The following QTGAL variants were observed in gnomAD, a reference collection of about 807,000 sequenced individuals.
QTGAL encodes BGnT-like protein 1.
At chr17:82,974,386 C>T in the QTGAL span, among the ~76,000 whole-genome samples, 1 of 152,204 alleles carries the variant, frequency 6.6e-6, no homozygotes, top group Non-Finnish European at 1.5e-5. Context: ...AGGCCCAGGG[C>T]CCAGAGGTGG....
chr17:83,048,717 C>T, the QTGAL span: 2 of 1,614,164 alleles, frequency 1.2e-6, no homozygotes, highest in Non-Finnish European at 1.7e-6. Flanking sequence ...CTTCAAAGTC[C>T]TGTTGCAAAA....
At chr17:83,025,864 G>A in the QTGAL span, among the ~76,000 whole-genome samples, 19 of 152,324 alleles carry the variant, frequency 1.2e-4, no homozygotes, top group South Asian at 6.2e-4. Context: ...CTGTCGTGAC[G>A]GGAGGCCGTG....
the QTGAL span, among the ~76,000 whole-genome samples, chr17:83,037,254 C>A: frequency 6.6e-6 from 1 of 152,348 alleles, no homozygotes; most frequent in East Asian, 1.9e-4. The surrounding 1 kb of genome is among the most constrained non-coding windows in gnomAD (Gnocchi z 5.2). Context: ...GCTCCCACCC[C>A]ACGGGGGCTG....
At chr17:83,011,337 A>G in the QTGAL span, 1 of 152,244 alleles carries the variant, frequency 6.6e-6, no homozygotes, top group African/African-American at 2.4e-5. Flanking sequence ...ATTTATCTAC[A>G]TGCAAATGCA....
At chr17:83,007,213 A>G in the QTGAL span, 1 of 984,760 alleles carries the variant, frequency 1.0e-6, no homozygotes, top group South Asian at 4.7e-5. Flanking sequence ...TGAACCTTTC[A>G]TGTCTCTCTC....
At chr17:82,984,790 G>A in the QTGAL span, among the ~76,000 whole-genome samples, 3 of 152,260 alleles carry the variant, frequency 2.0e-5, no homozygotes, top group Admixed American at 1.3e-4. Flanking sequence ...CCCAGGAGAC[G>A]TGCAGGGCAG....
chr17:83,001,141 A>G, the QTGAL span, among the ~76,000 whole-genome samples: 1 of 152,254 alleles, frequency 6.6e-6, no homozygotes, highest in Non-Finnish European at 1.5e-5. Context: ...AAAGGTATAC[A>G]TCAACAAGAC....
the QTGAL span, among the ~76,000 whole-genome samples, chr17:83,020,317 G>A: frequency 1.3e-5 from 2 of 152,106 alleles, no homozygotes; most frequent in Non-Finnish European, 2.9e-5. Context: ...TTCTGAGACC[G>A]ATAAGGATGC....
chr17:82,947,111 A>G, the QTGAL span: 1 of 724,818 alleles, frequency 1.4e-6, no homozygotes, highest in Non-Finnish European at 2.3e-6. Context: ...TCCTCTGCTA[A>G]TAGCGGAGAG....
At chr17:82,955,914 C>G in the QTGAL span, among the ~76,000 whole-genome samples, 2 of 151,646 alleles carry the variant, frequency 1.3e-5, no homozygotes, top group Non-Finnish European at 2.9e-5. Flanking sequence ...AACCAAACAC[C>G]GCATGTTCTC....
the QTGAL span, among the ~76,000 whole-genome samples, chr17:82,990,686 A>G: frequency 6.6e-6 from 1 of 152,218 alleles, no homozygotes; most frequent in African/African-American, 2.4e-5. Context: ...GAATTACAGC[A>G]CTGGAGATTC....
chr17:82,953,664 T>C, the QTGAL span, among the ~76,000 whole-genome samples: 2 of 152,132 alleles, frequency 1.3e-5, no homozygotes, highest in Non-Finnish European at 2.9e-5. Context: ...GAGGCCAGCA[T>C]CATCCTGATT....
the QTGAL span, among the ~76,000 whole-genome samples, chr17:83,039,304 C>G: frequency 0.017 from 827 of 48,126 alleles, 14 homozygotes; most frequent in Non-Finnish European, 0.022. Context: ...GCCCGCCCCT[C>G]TTCTAGACAC....
chr17:83,032,426 C>T, the QTGAL span, among the ~76,000 whole-genome samples: 6 of 121,206 alleles, frequency 5.0e-5, no homozygotes, highest in African/African-American at 2.4e-4. Flanking sequence ...GCCAGGCCTC[C>T]GACGCAGACC....
At chr17:83,006,851 G>C in the QTGAL span, 2 of 970,864 alleles carry the variant, frequency 2.1e-6, no homozygotes, top group Non-Finnish European at 2.4e-6. The surrounding 1 kb of genome is among the most constrained non-coding windows in gnomAD (Gnocchi z 5.8). Context: ...TAAATGCCCA[G>C]GAGAGCAACT....
At chr17:82,965,074 CCA>C in the QTGAL span, among the ~76,000 whole-genome samples, 1 of 146,928 alleles carries the variant, frequency 6.8e-6, no homozygotes, top group Admixed American at 6.7e-5. Context: ...AGGTGCACCC[CCA>C]TGGGGAGGAC....
At chr17:82,956,544 T>C in the QTGAL span, 1 of 883,374 alleles carries the variant, frequency 1.1e-6, no homozygotes, top group East Asian at 2.7e-5. The surrounding 1 kb of genome is among the most constrained non-coding windows in gnomAD (Gnocchi z 5.7). Flanking sequence ...TCTGTGGTGC[T>C]GTTGTGGACG....
At chr17:82,950,984 T>G in the QTGAL span, among the ~76,000 whole-genome samples, 2 of 152,350 alleles carry the variant, frequency 1.3e-5, no homozygotes, top group African/African-American at 4.8e-5. Context: ...TGCCTTCAAC[T>G]TAACCCATTT....
the QTGAL span, chr17:82,957,145 T>C: frequency 2.5e-6 from 4 of 1,613,310 alleles, no homozygotes; most frequent in East Asian, 4.5e-5. Context: ...GAGCAGGTGG[T>C]TGACCCCAAG....
Sources: allele counts gnomAD v4.1 joint callset (sites outside exome capture counted in the v4.1 genomes callset), GRCh38; gene constraint gnomAD v4.1.1; non-coding constraint Gnocchi (gnomAD v3.1); transcripts MANE v1.5; gene names NCBI Gene and HGNC (gene_info 2026-07-23, HGNC 2026-07-21).